Variants in GALNT13 observed in about 807,000 individuals in gnomAD.
GALNT13 encodes the protein UDP-GalNAc:polypeptide N-acetylgalactosaminyltransferase 13.
A neutral mutation model predicts 64.2 loss-of-function variants in GALNT13; 28 were observed. The observed-to-expected ratio is 0.44, with a 90% CI of 0.32 to 0.60. The LOEUF (loss-of-function observed/expected upper bound fraction) is 0.60. Among genes scored for constraint, GALNT13 ranks in the 20% least tolerant of loss-of-function variants. The pLI is 0.05. For missense variants in GALNT13, 577 were observed against 669.8 expected, an observed-to-expected ratio of 0.86 and a Z score of 1.53; for synonymous variants, 214 against 224.6, an observed-to-expected ratio of 0.95 and a Z score of 0.42.
At chr2:153,650,507 A>T in the GALNT13 span, among the ~76,000 whole-genome samples, 1 of 152,140 alleles carries the variant, frequency 6.6e-6, no homozygotes, top group African/African-American at 2.4e-5. Flanking sequence ...TCCTGTCATT[A>T]TGATGTTAGC....
the GALNT13 span, among the ~76,000 whole-genome samples, chr2:153,389,123 GT>G: frequency 2.0e-5 from 3 of 152,068 alleles, no homozygotes; most frequent in African/African-American, 7.2e-5. Context: ...GCATAGAGTT[GT>G]TAATTTGCTA....
intron 9 of GALNT13, among the ~76,000 whole-genome samples, chr2:154,320,434 G>T (rs1169590614): frequency 6.6e-6 from 1 of 152,098 alleles, no homozygotes. Context: ...ATTAATTGAT[G>T]GGCTTCTTAT....
chr2:154,442,017 A>G (rs1490547223), intron 12 of GALNT13, among the ~76,000 whole-genome samples: 1 of 152,000 alleles, frequency 6.6e-6, no homozygotes, highest in Non-Finnish European at 1.5e-5. Context: ...TTGCCTCTTG[A>G]TGTTGTCGAA....
the GALNT13 span, among the ~76,000 whole-genome samples, chr2:153,256,657 CTGTT>C: frequency 1.3e-4 from 20 of 152,166 alleles, no homozygotes; most frequent in East Asian, 3.9e-3. Context: ...TGTGGATGTC[CTGTT>C]TGTTAGTTTT....
At chr2:153,146,101 T>C in the GALNT13 span, among the ~76,000 whole-genome samples, 1 of 151,826 alleles carries the variant, frequency 6.6e-6, no homozygotes, top group Non-Finnish European at 1.5e-5. Context: ...TCAGGACCTA[T>C]GTCCATTGCA....
chr2:153,290,852 G>T, the GALNT13 span, among the ~76,000 whole-genome samples: 2 of 152,004 alleles, frequency 1.3e-5, no homozygotes, highest in African/African-American at 2.4e-5. Context: ...ATTCAGTGTT[G>T]CCCATTTGTG....
At chr2:153,127,528 G>A in the GALNT13 span, among the ~76,000 whole-genome samples, 1 of 119,068 alleles carries the variant, frequency 8.4e-6, no homozygotes, top group African/African-American at 2.8e-5. Context: ...ACCATTACCT[G>A]TTACTCTTCC....
At chr2:153,498,257 A>G in the GALNT13 span, among the ~76,000 whole-genome samples, 2 of 152,254 alleles carry the variant, frequency 1.3e-5, no homozygotes, top group Non-Finnish European at 2.9e-5. Flanking sequence ...TAAAGCAAAA[A>G]TAGTGTCATG....
chr2:153,908,576 A>G (rs1688734086), intron 2 of GALNT13, among the ~76,000 whole-genome samples: 1 of 152,130 alleles, frequency 6.6e-6, no homozygotes, highest in South Asian at 2.1e-4. Context: ...TATGTGGTAT[A>G]AAGAAGGAGT....
chr2:153,546,364 G>GA, the GALNT13 span, among the ~76,000 whole-genome samples: 2 of 152,164 alleles, frequency 1.3e-5, no homozygotes, highest in African/African-American at 4.8e-5. Flanking sequence ...CCTGGATTCT[G>GA]AAAAAAGCCT....
intron 11 of GALNT13, among the ~76,000 whole-genome samples, chr2:154,424,954 T>C (rs1700407986): frequency 6.6e-6 from 1 of 152,234 alleles, no homozygotes; most frequent in Non-Finnish European, 1.5e-5. Context: ...TGAAGCCATC[T>C]AGAAAACTTT....
At chr2:154,241,351 A>G (rs187633361) in intron 4 of GALNT13, among the ~76,000 whole-genome samples, 113 of 152,138 alleles carry the variant, frequency 7.4e-4, no homozygotes, top group African/African-American at 2.5e-3. Flanking sequence ...CTTCCCTGTC[A>G]TTTAAAGGGA....
intron 3 of GALNT13, among the ~76,000 whole-genome samples, chr2:154,117,717 A>G (rs1364213560): frequency 2.0e-5 from 3 of 152,204 alleles, no homozygotes; most frequent in Admixed American, 2.0e-4. Context: ...GGACAAAGCA[A>G]ATAAAAACAT....
chr2:153,961,085 G>A lies in GALNT13; in HGVS notation c.142+16446G>A, dbSNP rs988476174. Among the ~76,000 whole-genome samples, 6 of 151,982 alleles carry A rather than the reference G, an allele frequency of 3.9e-5. No homozygotes were observed. In the East Asian group the frequency reaches 7.7e-4, roughly 20 times the overall value. ...TGTATATCAGTTATACCTCAATAAA[G>A]TATAAAAAAGTAACTACTCAAAAAT... On this transcript the variant is annotated intron_variant, in intron 3 of 12. Coordinates refer to ENST00000392825, the MANE Select transcript of GALNT13 (RefSeq NM_052917.4).
chr2:154,125,616 G>T (rs1433609989), intron 3 of GALNT13, among the ~76,000 whole-genome samples: 1 of 152,110 alleles, frequency 6.6e-6, no homozygotes, highest in Non-Finnish European at 1.5e-5. Context: ...AAGAGGAGGT[G>T]ACAATAAGTC....
chr2:153,251,524 G>A, the GALNT13 span, among the ~76,000 whole-genome samples: 6 of 151,912 alleles, frequency 3.9e-5, no homozygotes, highest in Admixed American at 3.9e-4. Context: ...CAATGTGCAG[G>A]TAAGTTACGT....
intron 3 of GALNT13, among the ~76,000 whole-genome samples, chr2:154,083,283 G>C (rs1190301769): frequency 6.6e-6 from 1 of 151,800 alleles, no homozygotes; most frequent in Non-Finnish European, 1.5e-5. Context: ...ATCTGTTTTG[G>C]TACCAGTACC....
At chr2:153,413,612 TA>T in the GALNT13 span, among the ~76,000 whole-genome samples, 1 of 152,214 alleles carries the variant, frequency 6.6e-6, no homozygotes, top group Non-Finnish European at 1.5e-5. Flanking sequence ...GCCGTTGTTC[TA>T]TTGAGTCCAT....
At chr2:153,125,642 A>G in the GALNT13 span, among the ~76,000 whole-genome samples, 1 of 152,222 alleles carries the variant, frequency 6.6e-6, no homozygotes, top group Non-Finnish European at 1.5e-5. Flanking sequence ...TTATATTTAT[A>G]TATTTAACAT....
Sources: gnomAD v4.1 joint callset for allele counts (sites outside exome capture counted in the v4.1 genomes callset) on GRCh38, gnomAD v4.1.1 for gene constraint, MANE v1.5 for transcripts, NCBI Gene and HGNC (gene_info 2026-07-23, HGNC 2026-07-21) for gene names.